The following PLEKHA1 variants were observed in gnomAD, a reference collection of about 807,000 sequenced individuals.
The protein encoded by PLEKHA1 is pleckstrin homology domain containing A1.
Under a neutral mutation model 52.0 loss-of-function variants are expected in PLEKHA1, and 34 were observed. The ratio of observed to expected loss-of-function variants is 0.65; its 90% confidence interval spans 0.50 to 0.87. The LOEUF (loss-of-function observed/expected upper bound fraction) is 0.87, where lower values mean the gene tolerates loss of function less well. PLEKHA1 is among the 40% of genes least tolerant of loss of function. The probability of loss-of-function intolerance (pLI) is 0.00; values close to 1 mark genes in which losing one functional copy is unlikely to be tolerated. For synonymous variants in PLEKHA1, 163 were observed against 170.7 expected (o/e 0.95, Z 0.35); for missense variants, 497 against 504.2 (o/e 0.99, Z 0.14).
At chr10:122,419,566 C>T (rs2097228746) in intron 8 of PLEKHA1, 1 of 152,134 alleles carries the variant, frequency 6.6e-6, no homozygotes. Flanking sequence ...CTCCATGAAC[C>T]TGGTGCACTG....
rs1009659410 is a variant in PLEKHA1, at chr10:122,432,136, A to G, written c.*2198A>G. On this transcript the variant is annotated 3_prime_UTR_variant, in exon 12 of 12. Coordinates refer to ENST00000368990, the MANE Select transcript of PLEKHA1 (RefSeq NM_001001974.4). ...AAATTATTTAATTATTTTAAAACGT[A>G]CACACTTTTCTTGTAAATATGTCAC... 1.3e-5 allele frequency: 2 copies of G among 152,308 alleles called. No homozygotes were observed. Among genetic ancestry groups the G allele is most frequent in the South Asian group, 2.1e-4 (1 of 4,830 alleles). The allele number at this position is 152,308 out of a possible 1,614,324, so 9.4% of individuals were successfully genotyped here.
chr10:122,387,492 T>C (rs2096716405), intron 1 of PLEKHA1: 2 of 152,240 alleles, frequency 1.3e-5, no homozygotes, highest in South Asian at 4.1e-4. Flanking sequence ...TTCTGACATA[T>C]ATTTGTTTAT....
Position 122,393,126 on chromosome 10 carries a change from G to A in PLEKHA1, c.-20-55G>A. On this transcript the variant is annotated intron_variant, in intron 1 of 11. Transcript: ENST00000368990. The surrounding 1 kb of genome is among the most constrained non-coding windows in gnomAD (Gnocchi z 4.5). ...CTCATTGAACAGATTTGCAGTCCAT[G>A]AGAAATACTTTCCTGTTTCATAGGG... 1 of 1,431,226 alleles carries A rather than the reference G, an allele frequency of 7.0e-7. No individual in the cohort carries two copies. The highest frequency in any genetic ancestry group is 9.4e-7 in the Non-Finnish European group (1 of 1,068,636). The allele number at this position is 1,431,226 out of a possible 1,614,324, so 88.7% of individuals were successfully genotyped here.
intron 1 of PLEKHA1, among the ~76,000 whole-genome samples, chr10:122,391,880 C>A (rs1162655093): frequency 6.6e-6 from 1 of 152,110 alleles, no homozygotes; most frequent in Non-Finnish European, 1.5e-5. Context: ...TTTATCATTT[C>A]TCTGACTGCA....
chr10:122,425,960 T>C (rs1394292159), intron 10 of PLEKHA1, among the ~76,000 whole-genome samples: 1 of 152,162 alleles, frequency 6.6e-6, no homozygotes, highest in East Asian at 1.9e-4. Flanking sequence ...TCATATATTG[T>C]TATTTTTTTC....
chr10:122,396,620 G>A (rs2096852688), intron 2 of PLEKHA1, among the ~76,000 whole-genome samples: 1 of 152,000 alleles, frequency 6.6e-6, no homozygotes, highest in Admixed American at 6.5e-5. Context: ...TAGGCTTCCA[G>A]TTACCTCCTA....
At chr10:122,406,748 A>G (rs958787528) in intron 5 of PLEKHA1, 75 bp downstream of exon 5, 5 of 1,102,526 alleles carry the variant, frequency 4.5e-6, no homozygotes, top group African/African-American at 3.1e-5. Flanking sequence ...ACACCTACCA[A>G]ATGTTCCCAG....
chr10:122,398,059 A>G, intron 3 of PLEKHA1, 85 bp downstream of exon 3: 1 of 1,114,954 alleles, frequency 9.0e-7, no homozygotes, highest in South Asian at 1.4e-5. Flanking sequence ...TTTCCTTTCC[A>G]TGTCCTTTAA....
chr10:122,425,023 A>T (rs1420752725), intron 10 of PLEKHA1, 64 bp downstream of exon 10: 2 of 1,417,216 alleles, frequency 1.4e-6, no homozygotes, highest in Non-Finnish European at 1.9e-6. Context: ...TTAGAGGTGA[A>T]ATAAACATAA....
chr10:122,404,778 GGCT>G (rs2096982844), intron 4 of PLEKHA1, among the ~76,000 whole-genome samples: 2 of 152,154 alleles, frequency 1.3e-5, no homozygotes, highest in African/African-American at 4.8e-5. Context: ...TTACAAGATA[GGCT>G]TTGACTTCCT....
rs979546125 is a variant in PLEKHA1, at chr10:122,393,462, T to C, written c.141+121T>C. ...AGTATATTTTTAGATTTATTTCTACTGGCTGTCCTCTCTGCCCTGCACCCC... is the reference window on the plus strand; with the variant it reads ...AGTATATTTTTAGATTTATTTCTACCGGCTGTCCTCTCTGCCCTGCACCCC... On this transcript the variant is annotated intron_variant, in intron 2 of 11. Transcript: ENST00000368990. The surrounding 1 kb of genome is among the most constrained non-coding windows in gnomAD (Gnocchi z 4.5). 2 of 994,412 alleles carry C rather than the reference T, an allele frequency of 2.0e-6. No homozygotes were observed. Among genetic ancestry groups the C allele is most frequent in the African/African-American group, 3.3e-5 (2 of 59,736 alleles). The allele number at this position is 994,412 out of a possible 1,614,324, so 61.6% of individuals were successfully genotyped here.
Position 122,374,716 on chromosome 10 carries a change from C to A in PLEKHA1, c.-111C>A, listed in dbSNP as rs1048586294. The A allele has an allele frequency of 6.6e-6, 1 of 151,760 alleles. No homozygotes were observed. Among genetic ancestry groups the A allele is most frequent in the Non-Finnish European group, 1.5e-5 (1 of 67,938 alleles). 9.4% of individuals were successfully genotyped at this position (151,760 alleles called of 1,614,324 possible). A position where few individuals can be genotyped will look rare whatever the true frequency, so the allele number is the denominator to read the frequency against. On this transcript the variant is annotated 5_prime_UTR_variant, in exon 1 of 12. Transcript: ENST00000368990. ...AGCGTGGGGACGCGTGCGCAGTGCG[C>A]GGGCTGGCCGTCGCGGACGCCGCTC... is the stretch of plus-strand genomic sequence containing the variant.
chr10:122,419,451 C>T (rs973135497), intron 8 of PLEKHA1: 29 of 152,138 alleles, frequency 1.9e-4, no homozygotes, highest in African/African-American at 7.0e-4. Flanking sequence ...GCCTTGTTGT[C>T]TCAGGAGGCT....
intron 6 of PLEKHA1, 105 bp downstream of exon 6, chr10:122,413,150 C>T: frequency 3.1e-6 from 3 of 959,482 alleles, no homozygotes; most frequent in Non-Finnish European, 4.3e-6. Flanking sequence ...GTATAATATA[C>T]AATTACTATA....
intron 10 of PLEKHA1, 151 bp downstream of exon 10, chr10:122,425,110 G>A (rs1361023927): frequency 1.8e-6 from 1 of 551,704 alleles, no homozygotes; most frequent in African/African-American, 1.9e-5. Context: ...ACTGTATATA[G>A]AGTTATTGGT....
At chr10:122,377,410 T>C (rs2096553363) in intron 1 of PLEKHA1, among the ~76,000 whole-genome samples, 1 of 152,178 alleles carries the variant, frequency 6.6e-6, no homozygotes, top group Non-Finnish European at 1.5e-5. Context: ...TAAAAAATCT[T>C]GTTTTAGATC....
intron 1 of PLEKHA1, among the ~76,000 whole-genome samples, chr10:122,375,863 G>A (rs146430549): frequency 5.3e-5 from 8 of 152,242 alleles, no homozygotes; most frequent in African/African-American, 1.9e-4. Flanking sequence ...ATTGATCGTT[G>A]TTTTAATAAG....
intron 1 of PLEKHA1, among the ~76,000 whole-genome samples, chr10:122,391,605 G>A (rs2096776628): frequency 6.6e-6 from 1 of 152,102 alleles, no homozygotes; most frequent in Admixed American, 6.5e-5. Flanking sequence ...GACTATAGAT[G>A]TATAGGTTTA....
chr10:122,399,904 TAC>T (rs528592481), intron 3 of PLEKHA1, among the ~76,000 whole-genome samples: 385 of 152,300 alleles, frequency 2.5e-3, no homozygotes, highest in African/African-American at 8.7e-3. Context: ...GGACTTTAAA[TAC>T]ACAGTCTCCT....
Sources: allele counts gnomAD v4.1 joint callset (sites outside exome capture counted in the v4.1 genomes callset), GRCh38; gene constraint gnomAD v4.1.1; non-coding constraint Gnocchi (gnomAD v3.1); transcripts MANE v1.5; gene names NCBI Gene and HGNC (gene_info 2026-07-23, HGNC 2026-07-21).